Variants in BRD7 observed in about 807,000 individuals in gnomAD.
BRD7 encodes the protein bromodomain containing 7.
Under a neutral mutation model 82.1 loss-of-function variants are expected in BRD7, and 15 were observed. That is an observed-to-expected ratio of 0.18 (90% CI 0.12 to 0.28). BRD7 has a LOEUF of 0.28. BRD7 is among the 10% of genes least tolerant of loss of function. The pLI is 1.00. For synonymous variants in BRD7, 232 were observed against 266.9 expected (o/e 0.87, Z 1.27); for missense variants, 638 against 779.9 (o/e 0.82, Z 2.17).
At chr16:50,337,254 TTC>T (rs1273179960) in intron 6 of BRD7, among the ~76,000 whole-genome samples, 2 of 127,350 alleles carry the variant, frequency 1.6e-5, no homozygotes, top group East Asian at 2.6e-4. Context: ...CTGTTCATTC[TTC>T]TTTTTTTTTT....
chr16:50,326,415 T>C (rs768175988), intron 9 of BRD7, 24 bp from the exon 10 acceptor site: 4 of 1,495,192 alleles, frequency 2.7e-6, no homozygotes, highest in Non-Finnish European at 1.8e-6. Flanking sequence ...CAGAGCACAG[T>C]GAAGGAGGCC....
At chr16:50,360,340 G>A (rs1295094289) in intron 2 of BRD7, among the ~76,000 whole-genome samples, 1 of 152,214 alleles carries the variant, frequency 6.6e-6, no homozygotes, top group African/African-American at 2.4e-5. Flanking sequence ...GTTACTTTCG[G>A]AGGATATATA....
At chr16:50,331,166 CAT>C (rs1363558965) in intron 8 of BRD7, among the ~76,000 whole-genome samples, 1 of 152,106 alleles carries the variant, frequency 6.6e-6, no homozygotes, top group African/African-American at 2.4e-5. Context: ...TGAAAGAAAT[CAT>C]ATATGACACA....
intron 5 of BRD7, 79 bp from the exon 6 acceptor site, chr16:50,340,165 G>A: frequency 1.5e-6 from 1 of 675,804 alleles, no homozygotes; most frequent in Non-Finnish European, 2.4e-6. Flanking sequence ...AAATATACAG[G>A]TCCTCTAAAA....
intron 3 of BRD7, 122 bp downstream of exon 3, chr16:50,354,671 G>A: frequency 7.3e-7 from 1 of 1,362,076 alleles, no homozygotes; most frequent in African/African-American, 1.5e-5. Flanking sequence ...TGCAGTTTGA[G>A]AGAAAAAACT....
Position 50,365,076 on chromosome 16 carries a change from C to A in BRD7, c.258+3014G>T, listed in dbSNP as rs115353751. 8.2e-3 allele frequency among the ~76,000 whole-genome samples: 1,247 copies of A among 152,214 alleles called. 20 individuals carry two copies. The highest frequency in any genetic ancestry group is 0.028 in the African/African-American group (1,168 of 41,526). On this transcript the variant is annotated intron_variant, in intron 2 of 16. Transcript: ENST00000394688. ...ACTCCCGTATGCAGAGAGGTGGACA[C>A]CTTTGAAAAAAGCCTAAATTCCAGA... is the stretch of plus-strand genomic sequence containing the variant.
At chr16:50,361,094 T>A (rs769092361) in intron 2 of BRD7, among the ~76,000 whole-genome samples, 1 of 152,212 alleles carries the variant, frequency 6.6e-6, no homozygotes, top group Non-Finnish European at 1.5e-5. Flanking sequence ...TACGAGATAC[T>A]AACAGCACCT....
intron 9 of BRD7, among the ~76,000 whole-genome samples, chr16:50,327,428 G>C (rs1034964288): frequency 2.6e-5 from 4 of 152,208 alleles, no homozygotes; most frequent in African/African-American, 4.8e-5. Flanking sequence ...AAAGAGCAAT[G>C]TTCTCAATCC....
At chr16:50,343,808 T>G (rs1315170215) in intron 5 of BRD7, among the ~76,000 whole-genome samples, 2 of 151,930 alleles carry the variant, frequency 1.3e-5, no homozygotes, top group African/African-American at 2.4e-5. Context: ...ACCGGGAAGC[T>G]CGAACTGGGT....
chr16:50,322,631 T>C (rs1261675346), intron 12 of BRD7, among the ~76,000 whole-genome samples: 4 of 152,240 alleles, frequency 2.6e-5, no homozygotes, highest in Admixed American at 2.6e-4. Context: ...TTTTGTATTT[T>C]TTCTAGAATA....
intron 2 of BRD7, among the ~76,000 whole-genome samples, chr16:50,361,229 T>C (rs1298955346): frequency 6.6e-6 from 1 of 152,260 alleles, no homozygotes; most frequent in Non-Finnish European, 1.5e-5. Context: ...GGACTTAGTA[T>C]AGATAGTGCT....
intron 5 of BRD7, among the ~76,000 whole-genome samples, chr16:50,344,760 G>C (rs1160430673): frequency 6.6e-6 from 1 of 152,176 alleles, no homozygotes; most frequent in East Asian, 1.9e-4. Flanking sequence ...AGAAATATTG[G>C]ACTATGTGAA....
rs762078120 is a variant in BRD7, at chr16:50,368,227, T to C, written c.121A>G (p.Ser41Gly). 7 of 1,614,128 alleles carry C rather than the reference T, an allele frequency of 4.3e-6. No individual in the cohort carries two copies. Among genetic ancestry groups the C allele is most frequent in the African/African-American group, 1.3e-5 (1 of 74,944 alleles). The change falls in exon 2 of 17, where the codon AGC becomes GGC. Residue 41 changes from serine (S) to glycine (G), a missense_variant. This residue lies in a region of BRD7 where 172 missense variants were observed against 155.3 expected (regional missense o/e 1.11). Coordinates refer to ENST00000394688, the MANE Select transcript of BRD7 (RefSeq NM_013263.5). ...GNEVTELSTGSSGHDSSLFED... is the reference protein window; with the variant it reads ...GNEVTELSTGGSGHDSSLFED... Reference sequence around the variant, plus strand: ...AAGAGGCTGGAGTCGTGCCCCGAGCTGCCCGTGGAGAGTTCGGTGACTTCG... The same window carrying C: ...AAGAGGCTGGAGTCGTGCCCCGAGCCGCCCGTGGAGAGTTCGGTGACTTCG...
Position 50,364,754 on chromosome 16 carries a change from G to A in BRD7, c.258+3336C>T, listed in dbSNP as rs117546397. On this transcript the variant is annotated intron_variant, in intron 2 of 16. Coordinates refer to ENST00000394688, the MANE Select transcript of BRD7 (RefSeq NM_013263.5). ...AATGAGGCTCACTGCAGTATTACAT[G>A]TAAGATTTAAAAGTAATAATCATAA... is the stretch of plus-strand genomic sequence containing the variant. Among the ~76,000 whole-genome samples the A allele has an allele frequency of 1.0e-3, 158 of 152,294 alleles. 2 individuals are homozygous for A. The East Asian group carries it at 0.027, about 26-fold the overall frequency.
Position 50,323,590 on chromosome 16 carries a change from C to T in BRD7, c.1440G>A (p.Glu480=), listed in dbSNP as rs752599291. 6.2e-7 allele frequency: 1 copy of T among 1,600,456 alleles called. No homozygotes were observed. The highest frequency in any genetic ancestry group is 8.6e-7 in the Non-Finnish European group (1 of 1,167,706). ...GGHSRTLQEM[E]MSLPEDEGHT... Reference sequence around the variant, plus strand: ...TTTTCATTAGCAGTGTTCTTACCATCTCCATCTCTTGTAGGGTCCTGGAAT... The same window carrying T: ...TTTTCATTAGCAGTGTTCTTACCATTTCCATCTCTTGTAGGGTCCTGGAAT... The change falls in exon 12 of 17, where the codon GAG becomes GAA. Residue 480 remains glutamate, a synonymous_variant. Coordinates refer to ENST00000394688, the MANE Select transcript of BRD7 (RefSeq NM_013263.5).
chr16:50,362,329 T>C (rs1191206895), intron 2 of BRD7, among the ~76,000 whole-genome samples: 1 of 152,214 alleles, frequency 6.6e-6, no homozygotes, highest in Non-Finnish European at 1.5e-5. Flanking sequence ...AGGGCAGAAT[T>C]TGAGTTATTG....
Position 50,319,962 on chromosome 16 carries a change from A to T in BRD7, c.1825T>A (p.Tyr609Asn). ...QVTPGDIVST[Y>N]GVRKAMGISI... ...ATCCCCATTGCTTTTCGAACTCCAT[A>T]CGTGCTTACGATATCACCTGGAGTT... The change falls in exon 16 of 17, where the codon TAT (tyrosine) becomes AAT (asparagine). Residue 609 changes from tyrosine (Y) to asparagine (N), a missense_variant. Tyr to Asn is a moderately radical substitution (Grantham distance 143). Transcript: ENST00000394688. The T allele has an allele frequency of 6.2e-7, 1 of 1,613,320 alleles. No individual in the cohort carries two copies. The highest frequency in any genetic ancestry group is 8.5e-7 in the Non-Finnish European group (1 of 1,179,990).
Position 50,316,210 on chromosome 16 carries a change from T to A in BRD7, c.*3001A>T, listed in dbSNP as rs987146653. 2 of 152,364 alleles carry A rather than the reference T, an allele frequency of 1.3e-5. No individual in the cohort carries two copies. The highest frequency in any genetic ancestry group is 4.8e-5 in the African/African-American group (2 of 41,418). 9.4% of individuals were successfully genotyped at this position (152,364 alleles called of 1,614,324 possible). ...TGCTCTGCCTTTTTAACCACTGACATGTAAGGAGGACTACTGTCTAGCATC... is the reference window on the plus strand; with the variant it reads ...TGCTCTGCCTTTTTAACCACTGACAAGTAAGGAGGACTACTGTCTAGCATC... On this transcript the variant is annotated 3_prime_UTR_variant, in exon 17 of 17. Transcript: ENST00000394688.
At chr16:50,355,662 T>C (rs2038704196) in intron 2 of BRD7, among the ~76,000 whole-genome samples, 1 of 152,222 alleles carries the variant, frequency 6.6e-6, no homozygotes, top group Non-Finnish European at 1.5e-5. Context: ...ATTTGAGCTC[T>C]ACTTCATGCC....
Sources: allele counts gnomAD v4.1 joint callset (sites outside exome capture counted in the v4.1 genomes callset), GRCh38; gene constraint gnomAD v4.1.1; regional missense constraint gnomAD v4.1.1; transcripts MANE v1.5; gene names NCBI Gene and HGNC (gene_info 2026-07-23, HGNC 2026-07-21).